NAV3: variants seen among roughly 807,000 people sequenced by gnomAD.
The protein encoded by NAV3 is neuron navigator 3.
A neutral mutation model predicts 244.7 loss-of-function variants in NAV3; 87 were observed. The observed-to-expected ratio is 0.36, with a 90% CI of 0.30 to 0.42. The LOEUF is 0.42. Among genes scored for constraint, NAV3 ranks in the 20% least tolerant of loss-of-function variants. NAV3 has a pLI of 1.00. For missense variants in NAV3, 2,663 were observed against 2,893.3 expected (o/e 0.92, Z 1.83); for synonymous variants, 1,126 against 1,042.2 (o/e 1.08, Z -1.55).
At chr12:77,801,564 A>T (rs181566557) in intron 2 of NAV3, among the ~76,000 whole-genome samples, 9 of 152,182 alleles carry the variant, frequency 5.9e-5, no homozygotes, top group Admixed American at 3.3e-4. Flanking sequence ...ATGTCTTTTC[A>T]TTCTTTCTCT....
chr12:77,939,453 C>T (rs1304807014), intron 1 of NAV3, among the ~76,000 whole-genome samples: 2 of 152,136 alleles, frequency 1.3e-5, no homozygotes, highest in African/African-American at 2.4e-5. Flanking sequence ...TTTTCTGTTA[C>T]ACCACATCAT....
At chr12:77,813,427 G>A (rs150386764) in intron 2 of NAV3, among the ~76,000 whole-genome samples, 385 of 152,254 alleles carry the variant, frequency 2.5e-3, no homozygotes, top group African/African-American at 9.0e-3. Context: ...TTAAGTTTGA[G>A]AAGAGTAGCA....
At chr12:77,730,963 A>G (rs1462250842) in intron 2 of NAV3, among the ~76,000 whole-genome samples, 1 of 151,938 alleles carries the variant, frequency 6.6e-6, no homozygotes, top group Non-Finnish European at 1.5e-5. Flanking sequence ...ATGATTGCCA[A>G]CCTAGAATTT....
chr12:77,672,637 C>T (rs1444885797), intron 2 of NAV3, among the ~76,000 whole-genome samples: 2 of 151,662 alleles, frequency 1.3e-5, no homozygotes, highest in African/African-American at 2.4e-5. Flanking sequence ...GCTATGAGGA[C>T]ACACAAGCAT....
intron 12 of NAV3, among the ~76,000 whole-genome samples, chr12:78,083,578 A>G (rs1011995077): frequency 1.3e-5 from 2 of 152,112 alleles, no homozygotes. Context: ...CTCACTTCTC[A>G]GAAGCTTGAC....
At chr12:77,998,277 C>T in intron 6 of NAV3, 60 bp from the exon 7 acceptor site, 1 of 1,306,330 alleles carries the variant, frequency 7.7e-7, no homozygotes, top group Non-Finnish European at 1.0e-6. Flanking sequence ...TTCAGCACCT[C>T]CTGCTTCTTA....
chr12:77,736,956 T>C (rs775556039), intron 2 of NAV3, among the ~76,000 whole-genome samples: 5 of 152,240 alleles, frequency 3.3e-5, no homozygotes, highest in Admixed American at 3.3e-4. Flanking sequence ...GTAATTGAGA[T>C]GAGAAATGAT....
intron 1 of NAV3, among the ~76,000 whole-genome samples, chr12:77,936,607 A>G (rs1889352643): frequency 6.6e-6 from 1 of 152,162 alleles, no homozygotes; most frequent in African/African-American, 2.4e-5. Flanking sequence ...TGCAAAATAC[A>G]TTACTGCACA....
chr12:77,775,773 A>C (rs946866106), intron 2 of NAV3: 4 of 152,218 alleles, frequency 2.6e-5, no homozygotes, highest in African/African-American at 9.7e-5. Context: ...TTTGTCACTA[A>C]ATATAATAAA....
At chr12:77,973,012 T>C (rs114894139) in intron 5 of NAV3, among the ~76,000 whole-genome samples, 151 of 152,240 alleles carry the variant, frequency 9.9e-4, no homozygotes, top group African/African-American at 3.4e-3. Flanking sequence ...AAATGAAACT[T>C]AATTTTTCTT....
chr12:78,201,016 C>T (rs553126758), intron 38 of NAV3, among the ~76,000 whole-genome samples: 1 of 148,752 alleles, frequency 6.7e-6, no homozygotes, highest in Non-Finnish European at 1.5e-5. Context: ...CTCCCTCTCC[C>T]CCTCCCCACT....
chr12:78,043,086 C>T, intron 9 of NAV3, among the ~76,000 whole-genome samples: 1 of 151,732 alleles, frequency 6.6e-6, no homozygotes, highest in East Asian at 1.9e-4. Context: ...TCCCCTTGAT[C>T]CCCCCACCCA....
In NAV3 at chr12:78,179,420, A is replaced by C; in HGVS notation, c.5364-109A>C. 3.0e-6 allele frequency: 4 copies of C among 1,333,402 alleles called. No homozygotes were observed. The South Asian group carries it at 5.5e-5, about 18-fold the overall frequency. 82.6% of individuals were successfully genotyped at this position (1,333,402 alleles called of 1,614,324 possible). A position where few individuals can be genotyped will look rare whatever the true frequency, so the allele number is the denominator to read the frequency against. The stretch of plus-strand genomic sequence containing the variant: ...CTCTAGGTTTTGCCAGCAGCACACC[A>C]TATCTGTACCTGCTGGAGAATATTG... On this transcript the variant is annotated intron_variant, in intron 28 of 39. Coordinates refer to ENST00000397909, the MANE Select transcript of NAV3 (RefSeq NM_001024383.2).
At chr12:78,004,928 C>T (rs779659852) in intron 7 of NAV3, among the ~76,000 whole-genome samples, 4 of 152,168 alleles carry the variant, frequency 2.6e-5, no homozygotes, top group Non-Finnish European at 5.9e-5. Flanking sequence ...CCTCTTGTTT[C>T]AGTTTTGGGT....
intron 2 of NAV3, among the ~76,000 whole-genome samples, chr12:77,669,045 A>G (rs1873844885): frequency 6.6e-6 from 1 of 152,168 alleles, no homozygotes; most frequent in Non-Finnish European, 1.5e-5. Flanking sequence ...TATCCAGCAA[A>G]TCTAAGTTTC....
intron 12 of NAV3, among the ~76,000 whole-genome samples, chr12:78,111,434 A>G (rs1379439607): frequency 6.6e-6 from 1 of 152,094 alleles, no homozygotes; most frequent in Non-Finnish European, 1.5e-5. Context: ...AAGACAACCC[A>G]ATAAAAATGT....
At chr12:77,600,212 C>G (rs1239167402) in intron 2 of NAV3, among the ~76,000 whole-genome samples, 1 of 151,882 alleles carries the variant, frequency 6.6e-6, no homozygotes, top group African/African-American at 2.4e-5. Flanking sequence ...TATTTAGTAC[C>G]TGGACCAGCT....
chr12:77,720,131 A>G (rs901719687), intron 2 of NAV3, among the ~76,000 whole-genome samples: 1 of 147,316 alleles, frequency 6.8e-6, no homozygotes, highest in African/African-American at 2.5e-5. Flanking sequence ...TATTTCTGGC[A>G]TCAGTTTCTT....
chr12:77,756,923 C>A (rs1422146807), intron 2 of NAV3, among the ~76,000 whole-genome samples: 1 of 152,138 alleles, frequency 6.6e-6, no homozygotes, highest in African/African-American at 2.4e-5. Flanking sequence ...CAATCTCACC[C>A]ATAGCAAAAG....
Sources: gnomAD v4.1 joint callset for allele counts (sites outside exome capture counted in the v4.1 genomes callset) on GRCh38, gnomAD v4.1.1 for gene constraint, MANE v1.5 for transcripts, NCBI Gene and HGNC (gene_info 2026-07-23, HGNC 2026-07-21) for gene names.